Variants in FGF14 observed in about 807,000 individuals in gnomAD.
FGF14 encodes fibroblast growth factor 14.
FGF14 carries 5 observed loss-of-function variants against 25.5 expected under a neutral mutation model. The observed-to-expected ratio is 0.20, with a 90% confidence interval of 0.10 to 0.41. The LOEUF (loss-of-function observed/expected upper bound fraction) is 0.41. Ranked by LOEUF, FGF14 falls within the 10% of genes least tolerant of loss-of-function variation. The pLI is 1.00. For synonymous variants in FGF14, 138 were observed against 118.3 expected (o/e 1.17, Z -1.08); for missense variants, 222 against 320.1 (o/e 0.69, Z 2.34).
chr13:101,916,581 T>C lies in FGF14; in HGVS notation c.65A>G (p.Asp22Gly), dbSNP rs202074055. The C allele has an allele frequency of 6.2e-7, 1 of 1,606,294 alleles. No individual in the cohort carries two copies. The highest frequency in any genetic ancestry group is 1.3e-5 in the African/African-American group (1 of 74,764). Reference protein sequence around the residue: ...QKRQAREQHWDRPSASRRRSS... With the variant: ...QKRQAREQHWGRPSASRRRSS... ...CCGCCTCCTGCTGGCAGACGGCCGG[T>C]CCCAGTGCTGCTCCCGCGCCTGCCG... The change falls in exon 1 of 5, where the codon GAC becomes GGC. Residue 22 changes from aspartate (D) to glycine (G), a missense_variant. This residue lies in a region of FGF14 where 80 missense variants were observed against 72.2 expected (regional missense o/e 1.11). Transcript: ENST00000376143.
chr13:101,895,649 G>T (rs570643981), intron 1 of FGF14, among the ~76,000 whole-genome samples: 1 of 152,082 alleles, frequency 6.6e-6, no homozygotes. Context: ...AAGGTAAAAC[G>T]TAAGAAAAGA....
chr13:101,769,771 G>A (rs750654894), intron 3 of FGF14, among the ~76,000 whole-genome samples: 14 of 152,088 alleles, frequency 9.2e-5, no homozygotes, highest in Non-Finnish European at 1.6e-4. Flanking sequence ...AATGGAAACA[G>A]TAAAAAGATC....
At chr13:102,039,358 G>A (rs2041623733) in intron 1 of FGF14, among the ~76,000 whole-genome samples, 1 of 152,080 alleles carries the variant, frequency 6.6e-6, no homozygotes, top group African/African-American at 2.4e-5. Context: ...GGTCTCCTGG[G>A]GCTCCTGTAA....
intron 3 of FGF14, among the ~76,000 whole-genome samples, chr13:101,865,501 T>C (rs1343407925): frequency 3.3e-5 from 5 of 152,078 alleles, no homozygotes; most frequent in African/African-American, 4.8e-5. Flanking sequence ...AAGTACCATA[T>C]TGCAATCATT....
At chr13:102,008,065 T>G (rs2039897932) in intron 1 of FGF14, among the ~76,000 whole-genome samples, 10 of 152,196 alleles carry the variant, frequency 6.6e-5, no homozygotes, top group Admixed American at 6.5e-4. Flanking sequence ...TATTTGTAAT[T>G]CAGGTAGAAA....
At chr13:101,944,918 T>C (rs2035706583) in intron 1 of FGF14, among the ~76,000 whole-genome samples, 1 of 152,158 alleles carries the variant, frequency 6.6e-6, no homozygotes, top group South Asian at 2.1e-4. Context: ...TTTAATGGGT[T>C]CAGAGTTTTG....
At chr13:102,192,569 A>T (rs1229322652) in intron 1 of FGF14, among the ~76,000 whole-genome samples, 1 of 152,174 alleles carries the variant, frequency 6.6e-6, no homozygotes, top group African/African-American at 2.4e-5. Flanking sequence ...TTTTACCATA[A>T]ACAGGAGGAA....
chr13:102,178,829 C>G (rs534870823), intron 1 of FGF14, among the ~76,000 whole-genome samples: 40 of 151,662 alleles, frequency 2.6e-4, no homozygotes, highest in Admixed American at 4.6e-4. Flanking sequence ...ATATATATAC[C>G]AAAAATTTTA....
intron 1 of FGF14, among the ~76,000 whole-genome samples, chr13:102,155,146 C>T (rs2047270860): frequency 6.6e-6 from 1 of 152,178 alleles, no homozygotes; most frequent in Admixed American, 6.5e-5. Context: ...TTGAACTCAG[C>T]TCTGCACCAA....
intron 3 of FGF14, among the ~76,000 whole-genome samples, chr13:101,829,982 G>A (rs9557742): frequency 6.6e-6 from 1 of 152,056 alleles, no homozygotes; most frequent in Non-Finnish European, 1.5e-5. Context: ...TTGTGGCACA[G>A]GCACTGGGTG....
At chr13:101,765,815 T>C (rs1265123913) in intron 3 of FGF14, among the ~76,000 whole-genome samples, 1 of 152,046 alleles carries the variant, frequency 6.6e-6, no homozygotes, top group African/African-American at 2.4e-5. Context: ...CTGCAACCTC[T>C]GCTACCTGGG....
At chr13:101,736,694 C>T (rs2036211321) in intron 3 of FGF14, among the ~76,000 whole-genome samples, 1 of 152,050 alleles carries the variant, frequency 6.6e-6, no homozygotes, top group African/African-American at 2.4e-5. Flanking sequence ...ATTTACTTAT[C>T]GGTATGAGGC....
chr13:102,235,195 G>A (rs2051273572), intron 1 of FGF14, among the ~76,000 whole-genome samples: 1 of 151,952 alleles, frequency 6.6e-6, no homozygotes, highest in Admixed American at 6.6e-5. Context: ...CTATATTTTG[G>A]GATCTATTTA....
chr13:101,952,291 G>A (rs2036216878), intron 1 of FGF14, among the ~76,000 whole-genome samples: 1 of 152,052 alleles, frequency 6.6e-6, no homozygotes, highest in South Asian at 2.1e-4. Context: ...CATACACTAT[G>A]ATCATCAGAA....
intron 1 of FGF14, among the ~76,000 whole-genome samples, chr13:102,276,362 T>G (rs1207661061): frequency 8.2e-6 from 1 of 121,606 alleles, no homozygotes; most frequent in East Asian, 2.4e-4. Flanking sequence ...TGTATATATA[T>G]ATATATATAT....
At chr13:101,964,358 A>G (rs1044674019) in intron 1 of FGF14, among the ~76,000 whole-genome samples, 15 of 152,216 alleles carry the variant, frequency 9.9e-5, no homozygotes, top group African/African-American at 3.6e-4. Flanking sequence ...ACGAAATGCA[A>G]ACAGGTTCCT....
At chr13:101,753,388 C>T (rs1022568259) in intron 3 of FGF14, among the ~76,000 whole-genome samples, 1 of 152,042 alleles carries the variant, frequency 6.6e-6, no homozygotes, top group Non-Finnish European at 1.5e-5. Flanking sequence ...GTTCCACCTT[C>T]TCAACTTAAA....
chr13:101,759,349 G>A (rs886157193), intron 3 of FGF14, among the ~76,000 whole-genome samples: 1 of 152,152 alleles, frequency 6.6e-6, no homozygotes, highest in African/African-American at 2.4e-5. Context: ...ATGCAGTGAT[G>A]AATCCAAGAG....
intron 1 of FGF14, among the ~76,000 whole-genome samples, chr13:102,011,733 G>A (rs1398138556): frequency 6.6e-6 from 1 of 152,158 alleles, no homozygotes; most frequent in Admixed American, 6.5e-5. Flanking sequence ...ACAGAAATGC[G>A]ACCACAGAAG....
Sources: gnomAD v4.1 joint callset for allele counts (sites outside exome capture counted in the v4.1 genomes callset) on GRCh38, gnomAD v4.1.1 for gene constraint, gnomAD v4.1.1 regional missense constraint, MANE v1.5 for transcripts, NCBI Gene and HGNC (gene_info 2026-07-23, HGNC 2026-07-21) for gene names.